The following PRAG1 variants were observed in gnomAD, a reference collection of about 807,000 sequenced individuals.
PRAG1 encodes inactive tyrosine-protein kinase PRAG1.
PRAG1 carries 110 observed loss-of-function variants against 95.6 expected under a neutral mutation model. The observed-to-expected ratio is 1.15, with a 90% CI of 0.99 to 1.35. The LOEUF is 1.35. Among genes scored for constraint, PRAG1 ranks in the 40% most tolerant of loss-of-function variants. The probability of loss-of-function intolerance (pLI) is 0.00; values close to 1 mark genes in which losing one functional copy is unlikely to be tolerated. For synonymous variants in PRAG1, 1,052 were observed against 819.4 expected (o/e 1.28, Z -4.85); for missense variants, 2,554 against 1,864.7 (o/e 1.37, Z -6.81).
At chr8:8,326,116 T>A (rs1239319423) in intron 5 of PRAG1, among the ~76,000 whole-genome samples, 2 of 147,870 alleles carry the variant, frequency 1.4e-5, no homozygotes, top group Non-Finnish European at 3.0e-5. Flanking sequence ...TTTATAATAA[T>A]ACTATTACTA....
intron 1 of PRAG1, among the ~76,000 whole-genome samples, chr8:8,383,780 G>A (rs893986715): frequency 1.3e-5 from 2 of 152,156 alleles, no homozygotes; most frequent in Admixed American, 1.3e-4. Context: ...AAGTTCTCCA[G>A]AAGAGGTCAC....
At chr8:8,324,056 A>C (rs912637612) in intron 5 of PRAG1, among the ~76,000 whole-genome samples, 1 of 152,216 alleles carries the variant, frequency 6.6e-6, no homozygotes, top group African/African-American at 2.4e-5. Context: ...GAAATGATGC[A>C]GGCATGGCTC....
intron 5 of PRAG1, among the ~76,000 whole-genome samples, chr8:8,325,494 T>C (rs1028620516): frequency 2.6e-5 from 4 of 152,238 alleles, no homozygotes; most frequent in Admixed American, 6.5e-5. Context: ...ACACTTGTTT[T>C]TAACATTCTT....
Position 8,377,355 on chromosome 8 carries a change from C to T in PRAG1, c.1054G>A (p.Gly352Ser), listed in dbSNP as rs1392857104. 2.2e-5 allele frequency: 10 copies of T among 463,816 alleles called. No individual in the cohort carries two copies. The highest frequency in any genetic ancestry group is 1.2e-4 in the South Asian group (6 of 50,138). 28.7% of individuals were successfully genotyped at this position (463,816 alleles called of 1,614,324 possible). The change falls in exon 3 of 6, where the codon GGC becomes AGC. Residue 352 changes from glycine to serine, a missense_variant. Transcript: ENST00000615670. Reference protein sequence around the residue: ...SCGSGSGSGSGASSPFVPHLE... With the variant: ...SCGSGSGSGSSASSPFVPHLE... The stretch of plus-strand genomic sequence containing the variant: ...TGGGGGACGAAGGGGCTACTGGCGC[C>T]GCTGCCGCTGCCGCTGCCGCTGCCA...
At chr8:8,365,475 T>C (rs984357318) in intron 3 of PRAG1, among the ~76,000 whole-genome samples, 3 of 150,626 alleles carry the variant, frequency 2.0e-5, no homozygotes, top group African/African-American at 7.3e-5. Flanking sequence ...ATACAAAAAA[T>C]TAGCCCGGCA....
At chr8:8,375,451 C>A (rs12547958) in intron 3 of PRAG1, among the ~76,000 whole-genome samples, 50,610 of 151,914 alleles carry the variant, frequency 0.33, 8,989 homozygotes, top group East Asian at 0.64. Flanking sequence ...CCGCCCGCCT[C>A]GGCCTCCCAA....
At chr8:8,328,537 T>TGGAC (rs144816689) in intron 4 of PRAG1, 76 bp from the exon 5 acceptor site, 1 of 953,510 alleles carries the variant, frequency 1.0e-6, no homozygotes, top group Non-Finnish European at 1.4e-6. Flanking sequence ...CTTGTTTCCC[T>TGGAC]TTATTTATTT....
At position 8,376,408 on chromosome 8, in the gene PRAG1, G is replaced by C. The variant is rs1471617480; in HGVS notation, c.2001C>G (p.Asn667Lys). The C allele has an allele frequency of 6.2e-7, 1 of 1,614,252 alleles. No homozygotes were observed. Among genetic ancestry groups the C allele is most frequent in the Non-Finnish European group, 8.5e-7 (1 of 1,180,052 alleles). ...ETKNGPTDHSNSTTWHRLHPT... is the reference protein window; with the variant it reads ...ETKNGPTDHSKSTTWHRLHPT... Reference sequence around the variant, plus strand: ...GGTGGAGACGGTGCCAGGTCGTGGAGTTTGAATGGTCCGTGGGGCCATTTT... The same window carrying C: ...GGTGGAGACGGTGCCAGGTCGTGGACTTTGAATGGTCCGTGGGGCCATTTT... Residue 667 changes from asparagine (N) to lysine (K), a missense_variant, in exon 3 of 6, where the codon AAC becomes AAG. Coordinates refer to ENST00000615670, the MANE Select transcript of PRAG1 (RefSeq NM_001080826.3).
rs1178599815 is a variant in PRAG1 at position 8,354,649 on chromosome 8, T to A, written c.2163-15014A>T. Among the ~76,000 whole-genome samples, 3 of 152,326 alleles carry A rather than the reference T, an allele frequency of 2.0e-5. No individual in the cohort carries two copies. The East Asian group carries it at 5.8e-4, about 29-fold the overall frequency. Reference sequence around the variant, plus strand: ...CATATACAAATAAATCATTGTAATATGTCACATTAACAGAATGAAAGATAG... The same window carrying A: ...CATATACAAATAAATCATTGTAATAAGTCACATTAACAGAATGAAAGATAG... On this transcript the variant is annotated intron_variant, in intron 3 of 5. Coordinates refer to ENST00000615670, the MANE Select transcript of PRAG1 (RefSeq NM_001080826.3).
intron 4 of PRAG1, among the ~76,000 whole-genome samples, chr8:8,333,361 G>A (rs1010133498): frequency 4.6e-5 from 7 of 152,198 alleles, no homozygotes; most frequent in African/African-American, 1.2e-4. Flanking sequence ...TGCCTTTAGC[G>A]AACGTGCTTC....
At chr8:8,383,246 G>C (rs1800743204) in intron 1 of PRAG1, among the ~76,000 whole-genome samples, 1 of 152,104 alleles carries the variant, frequency 6.6e-6, no homozygotes, top group African/African-American at 2.4e-5. Context: ...AAGTGCTGAA[G>C]CTACGTGTGC....
chr8:8,346,088 C>T (rs1193081228), intron 3 of PRAG1, among the ~76,000 whole-genome samples: 2 of 152,180 alleles, frequency 1.3e-5, no homozygotes, highest in African/African-American at 2.4e-5. Context: ...AAGGATTGTT[C>T]TATCAGATGT....
intron 3 of PRAG1, among the ~76,000 whole-genome samples, chr8:8,372,357 T>C (rs1416461953): frequency 2.0e-5 from 3 of 152,242 alleles, no homozygotes; most frequent in Non-Finnish European, 2.9e-5. Context: ...ATTTAAACTA[T>C]GAGTTCACCC....
chr8:8,328,085 C>T lies in PRAG1; in HGVS notation c.2697G>A (p.Ala899=), dbSNP rs746104751. 2.7e-5 allele frequency: 44 copies of T among 1,609,044 alleles called. No homozygotes were observed. Among genetic ancestry groups the T allele is most frequent in the Admixed American group, 1.8e-4 (11 of 59,790 alleles). Residue 899 remains alanine, a synonymous_variant, in exon 5 of 6, where the codon GCG becomes GCA. Coordinates refer to ENST00000615670, the MANE Select transcript of PRAG1 (RefSeq NM_001080826.3). The stretch of plus-strand genomic sequence containing the variant: ...GGCTCCCGCAGCCGCCTCTGTTGCC[C>T]GCCAGCCCTGCTGCCGGAAGCCAGT... ...SGHWLPAAGL[A]GNRGGCGSPG... is the part of the protein sequence containing the mutation.
chr8:8,359,231 C>A (rs547896326), intron 3 of PRAG1, among the ~76,000 whole-genome samples: 86 of 152,194 alleles, frequency 5.7e-4, no homozygotes, highest in Middle Eastern at 3.4e-3. Context: ...TATTTCTTGG[C>A]TTAATTGCTC....
At chr8:8,329,782 G>T (rs1463292491) in intron 4 of PRAG1, among the ~76,000 whole-genome samples, 1 of 152,194 alleles carries the variant, frequency 6.6e-6, no homozygotes, top group Non-Finnish European at 1.5e-5. Context: ...TCAAGACTGG[G>T]TCTCTTTATT....
intron 3 of PRAG1, among the ~76,000 whole-genome samples, chr8:8,371,268 C>CT (rs371226584): frequency 1.7e-3 from 249 of 148,100 alleles, no homozygotes; most frequent in East Asian, 6.7e-3. Context: ...CGAAAACTTT[C>CT]TTTTTTTTTT....
At chr8:8,343,494 A>T (rs1439180025) in intron 3 of PRAG1, among the ~76,000 whole-genome samples, 1 of 145,424 alleles carries the variant, frequency 6.9e-6, no homozygotes, top group African/African-American at 2.8e-5. Flanking sequence ...AGAACAGAAC[A>T]GAAAATATGA....
intron 3 of PRAG1, among the ~76,000 whole-genome samples, chr8:8,345,059 G>GTGTGTT (rs1799289428): frequency 6.7e-6 from 1 of 148,440 alleles, no homozygotes; most frequent in African/African-American, 2.5e-5. Context: ...GTGTGTGTGT[G>GTGTGTT]TGTGTGTGTG....
Sources: allele counts gnomAD v4.1 joint callset (sites outside exome capture counted in the v4.1 genomes callset), GRCh38; gene constraint gnomAD v4.1.1; transcripts MANE v1.5; gene names NCBI Gene and HGNC (gene_info 2026-07-23, HGNC 2026-07-21).